INSR: variants seen among roughly 807,000 people sequenced by gnomAD.
INSR encodes the protein insulin receptor.
A neutral mutation model predicts 142.6 loss-of-function variants in INSR; 67 were observed. The ratio of observed to expected loss-of-function variants is 0.47; its 90% CI spans 0.39 to 0.58. The LOEUF is 0.58. Among genes scored for constraint, INSR ranks in the 20% least tolerant of loss-of-function variants. INSR has a pLI of 0.00. For synonymous variants in INSR, 756 were observed against 743.1 expected (o/e 1.02, Z -0.28); for missense variants, 1,248 against 1,833.2 (o/e 0.68, Z 5.83).
chr19:7,241,179 T>TTA (rs1402063945), intron 2 of INSR, among the ~76,000 whole-genome samples: 1 of 10,710 alleles, frequency 9.3e-5, no homozygotes, highest in East Asian at 4.5e-4. Context: ...TTTATTTTGT[T>TTA]TTTTTTTTTT....
intron 1 of INSR, among the ~76,000 whole-genome samples, chr19:7,279,248 C>T (rs1351684502): frequency 6.6e-6 from 1 of 151,816 alleles, no homozygotes; most frequent in East Asian, 1.9e-4. Flanking sequence ...TCACTTAAGT[C>T]CAGAAGTCTG....
chr19:7,293,517 C>A (rs1242889657), intron 1 of INSR, among the ~76,000 whole-genome samples: 1 of 152,230 alleles, frequency 6.6e-6, no homozygotes, highest in Non-Finnish European at 1.5e-5. Context: ...CGGAGGCGCG[C>A]TCCAGAGAGG....
At chr19:7,218,441 G>T (rs964815757) in intron 2 of INSR, among the ~76,000 whole-genome samples, 1 of 152,112 alleles carries the variant, frequency 6.6e-6, no homozygotes, top group Non-Finnish European at 1.5e-5. Flanking sequence ...TAACAACCAT[G>T]GGTTTTTCTC....
chr19:7,204,209 AT>A (rs11368513), intron 2 of INSR, among the ~76,000 whole-genome samples: 26,685 of 150,002 alleles, frequency 0.18, 3,548 homozygotes, highest in African/African-American at 0.38. Flanking sequence ...TGCCCAACTA[AT>A]TTTTTTTTTT....
Position 7,152,916 on chromosome 19 carries a change from G to A in INSR, c.2041C>T (p.Pro681Ser), listed in dbSNP as rs1973411536. 6.2e-7 allele frequency: 1 copy of A among 1,611,114 alleles called. No homozygotes were observed. Among genetic ancestry groups the A allele is most frequent in the Non-Finnish European group, 8.5e-7 (1 of 1,179,542 alleles). The part of the protein sequence containing the change: ...LDYCLKGLKL[P>S]SRTWSPPFES... The stretch of plus-strand genomic sequence containing the variant: ...AATGGTGGAGACCAGGTCCTCGAGG[G>A]CAGCTTCAGCCCTGGAGAAAGAAAC... The change falls in exon 10 of 22, where the codon CCC (proline) becomes TCC (serine). Residue 681 changes from proline (P) to serine (S), a missense_variant. Pro to Ser is a moderately conservative substitution (Grantham distance 74, BLOSUM62 -1). Transcript: ENST00000302850.
chr19:7,249,825 T>A (rs1379067474), intron 2 of INSR, among the ~76,000 whole-genome samples: 1 of 152,064 alleles, frequency 6.6e-6, no homozygotes, highest in Non-Finnish European at 1.5e-5. Flanking sequence ...ACCCCGTCTC[T>A]ACTAAAAATA....
In INSR at chr19:7,119,692, G is replaced by A. The variant is rs1972432323; in HGVS notation, c.3660-109C>T. The A allele has an allele frequency of 1.1e-5, 13 of 1,218,562 alleles. No individual in the cohort carries two copies. Among genetic ancestry groups the A allele is most frequent in the Non-Finnish European group, 1.5e-5 (13 of 843,568 alleles). 75.5% of individuals were successfully genotyped at this position (1,218,562 alleles called of 1,614,324 possible). A position where few individuals can be genotyped will look rare whatever the true frequency, so the allele number is the denominator to read the frequency against. On this transcript the variant is annotated intron_variant, in intron 20 of 21. Coordinates refer to ENST00000302850, the MANE Select transcript of INSR (RefSeq NM_000208.4). The surrounding 1 kb of genome is among the most constrained non-coding windows in gnomAD (Gnocchi z 5.2). ...CGCACACACACACGCAAACACACAT[G>A]CCAACACATACATGCAAACACACAC...
chr19:7,194,801 C>T (rs1348924429), intron 2 of INSR, among the ~76,000 whole-genome samples: 1 of 151,790 alleles, frequency 6.6e-6, no homozygotes, highest in Non-Finnish European at 1.5e-5. Flanking sequence ...TGAGCCACCG[C>T]GCCAGGCCAG....
intron 2 of INSR, among the ~76,000 whole-genome samples, chr19:7,187,483 A>T (rs1472356239): frequency 2.6e-5 from 4 of 152,204 alleles, no homozygotes; most frequent in Admixed American, 2.6e-4. Context: ...TCAGTTTAAA[A>T]TTTTTAAAAA....
At chr19:7,182,870 G>A (rs1599956094) in intron 3 of INSR, among the ~76,000 whole-genome samples, 2 of 109,240 alleles carry the variant, frequency 1.8e-5, no homozygotes, top group African/African-American at 3.4e-5. Flanking sequence ...GAATCAAAAG[G>A]AATATGGTCA....
intron 2 of INSR, among the ~76,000 whole-genome samples, chr19:7,266,828 CT>C (rs1241520760): frequency 6.6e-6 from 1 of 151,908 alleles, no homozygotes; most frequent in Non-Finnish European, 1.5e-5. Context: ...GAATGTTTTG[CT>C]TTTTTTTCGT....
intron 2 of INSR, among the ~76,000 whole-genome samples, chr19:7,212,921 C>G (rs760011971): frequency 2.6e-5 from 4 of 152,134 alleles, no homozygotes; most frequent in Non-Finnish European, 5.9e-5. Context: ...GTACCACCCT[C>G]TAGCAGCCCT....
At position 7,207,324 on chromosome 19, in the gene INSR, G is replaced by A. The variant is rs1485683502; in HGVS notation, c.653-22687C>T. Among the ~76,000 whole-genome samples, 3 of 152,246 alleles carry A rather than the reference G, an allele frequency of 2.0e-5. No homozygotes were observed. The East Asian group carries it at 5.8e-4, about 29-fold the overall frequency. ...CCCAGCTGCTCGGGAGGCTGAGGCA[G>A]GAGAATCGCTTGAACCCGGGAGGCA... On this transcript the variant is annotated intron_variant, in intron 2 of 21. Transcript: ENST00000302850.
At chr19:7,226,704 G>C (rs1435063263) in intron 2 of INSR, among the ~76,000 whole-genome samples, 1 of 128,882 alleles carries the variant, frequency 7.8e-6, no homozygotes, top group African/African-American at 3.1e-5. Flanking sequence ...CACCAGCCTG[G>C]GCAACAGAGC....
intron 2 of INSR, among the ~76,000 whole-genome samples, chr19:7,219,004 A>G (rs1004630192): frequency 1.3e-5 from 2 of 152,216 alleles, no homozygotes; most frequent in African/African-American, 4.8e-5. Context: ...GAAGTAGGTA[A>G]CTGACTTGTT....
rs1359704490 is a variant in INSR, at chr19:7,119,243, G to T, written c.3794+206C>A. ...GTAAGCGTACATGTAGCACATATGG[G>T]AACTCAAGTGTGTGTACCACAATGC... is the stretch of plus-strand genomic sequence containing the variant. On this transcript the variant is annotated intron_variant, in intron 21 of 21. Transcript: ENST00000302850. This position sits in a 1 kb window ranked among gnomAD's most constrained non-coding sequence, Gnocchi z 5.2. Among the ~76,000 whole-genome samples, 1 of 152,186 alleles carries T rather than the reference G, an allele frequency of 6.6e-6. No homozygotes were observed. The highest frequency in any genetic ancestry group is 1.9e-4 in the East Asian group (1 of 5,202).
intron 9 of INSR, among the ~76,000 whole-genome samples, chr19:7,153,184 A>AT (rs1568449503): frequency 1.7e-3 from 2 of 1,156 alleles, no homozygotes; most frequent in Admixed American, 9.3e-3. Flanking sequence ...ACAAACACAC[A>AT]ACCACACACA....
rs187137828 is a variant in INSR, at chr19:7,287,932, G to A, written c.100+5860C>T. Among the ~76,000 whole-genome samples, 21 of 152,266 alleles carry A rather than the reference G, an allele frequency of 1.4e-4. No individual in the cohort carries two copies. In the East Asian group the frequency reaches 2.9e-3, roughly 21 times the overall value. ...ACCTGCCGTGTCGGGGCATTTTTGC[G>A]CAGTCATAGATGATGAGTAGACAAA... On this transcript the variant is annotated intron_variant, in intron 1 of 21. Transcript: ENST00000302850.
At chr19:7,202,447 C>T (rs1314966045) in intron 2 of INSR, among the ~76,000 whole-genome samples, 1 of 152,078 alleles carries the variant, frequency 6.6e-6, no homozygotes, top group Non-Finnish European at 1.5e-5. Context: ...TGCAGTGTTT[C>T]GATCCTCCAA....
Sources: gnomAD v4.1 joint callset for allele counts (sites outside exome capture counted in the v4.1 genomes callset) on GRCh38, gnomAD v4.1.1 for gene constraint, Gnocchi (gnomAD v3.1) non-coding constraint, MANE v1.5 for transcripts, NCBI Gene and HGNC (gene_info 2026-07-23, HGNC 2026-07-21) for gene names.